ROBO2: variants seen among roughly 807,000 people sequenced by gnomAD.
ROBO2 encodes the protein roundabout homolog 2.
In ROBO2, 53 loss-of-function variants were observed where a neutral mutation model predicts 160.8. That is an observed-to-expected ratio of 0.33 (90% CI 0.26 to 0.41). The LOEUF (loss-of-function observed/expected upper bound fraction) is 0.41. Among genes scored for constraint, ROBO2 ranks in the 10% least tolerant of loss-of-function variants. The pLI is 1.00. For synonymous variants in ROBO2, 664 were observed against 611.7 expected (o/e 1.09, Z -1.26); for missense variants, 1,577 against 1,722.4 (o/e 0.92, Z 1.49).
At chr3:76,451,617 G>T (rs1577289550) in intron 2 of ROBO2, among the ~76,000 whole-genome samples, 1 of 152,114 alleles carries the variant, frequency 6.6e-6, no homozygotes, top group African/African-American at 2.4e-5. Context: ...ACTCTGCAAA[G>T]AATTTATATT....
At position 76,458,635 on chromosome 3, in the gene ROBO2, C is replaced by T. The variant is rs144488312; in HGVS notation, c.109+521033C>T. ...CCAATTTACCGTATTATTCTGTTTT[C>T]ACGCTGCTGATAAAGACATATCCAA... On this transcript the variant is annotated intron_variant, in intron 2 of 26. Coordinates refer to the ROBO2 transcript ENST00000487694. Among the ~76,000 whole-genome samples the T allele has an allele frequency of 2.9e-3, 448 of 152,234 alleles. 5 individuals carry two copies. Among genetic ancestry groups the T allele is most frequent in the African/African-American group, 0.01 (433 of 41,540 alleles).
At chr3:77,402,935 G>A (rs57922814) in intron 2 of ROBO2, among the ~76,000 whole-genome samples, 6,454 of 152,070 alleles carry the variant, frequency 0.042, 461 homozygotes, top group African/African-American at 0.15. Context: ...CTACTCTAAA[G>A]CTTCCCTGAG....
At chr3:77,499,207 C>T (rs553173423) in intron 5 of ROBO2, among the ~76,000 whole-genome samples, 7 of 152,232 alleles carry the variant, frequency 4.6e-5, no homozygotes, top group African/African-American at 7.2e-5. Context: ...TTTACACTGC[C>T]GTTTTCTGGA....
At chr3:76,132,545 G>C (rs921267656) in intron 2 of ROBO2, among the ~76,000 whole-genome samples, 4 of 151,988 alleles carry the variant, frequency 2.6e-5, no homozygotes, top group African/African-American at 9.7e-5. Context: ...TTGCAAGCAG[G>C]CCTTTCTGAA....
chr3:76,801,391 T>C (rs540527662), intron 2 of ROBO2, among the ~76,000 whole-genome samples: 1 of 152,276 alleles, frequency 6.6e-6, no homozygotes, highest in East Asian at 1.9e-4. Context: ...ATTTGTTGTA[T>C]ATTTTAGAAT....
At chr3:77,336,750 C>A (rs961402738) in intron 2 of ROBO2, among the ~76,000 whole-genome samples, 3 of 152,150 alleles carry the variant, frequency 2.0e-5, no homozygotes, top group African/African-American at 7.2e-5. Context: ...GTGTACCACA[C>A]CAACGCCTGA....
intron 2 of ROBO2, among the ~76,000 whole-genome samples, chr3:76,858,215 G>C (rs562366760): frequency 3.7e-4 from 57 of 152,244 alleles, no homozygotes; most frequent in African/African-American, 1.4e-3. Context: ...AGGACGGGAG[G>C]ACGGGCCATT....
Position 77,641,464 on chromosome 3 carries a change from T to C in ROBO2, c.3935-3240T>C, listed in dbSNP as rs146696656. Reference sequence around the variant, plus strand: ...GAAGCTATCTTTTGTCTACAAGAAATTTATACTTTTTCCTTCTAAATTTCA... The same window carrying C: ...GAAGCTATCTTTTGTCTACAAGAAACTTATACTTTTTCCTTCTAAATTTCA... On this transcript the variant is annotated intron_variant, in intron 24 of 25. Coordinates refer to ENST00000461745, the Ensembl canonical transcript of ROBO2. 3.9e-5 allele frequency among the ~76,000 whole-genome samples: 6 copies of C among 152,306 alleles called. No homozygotes were observed. In the East Asian group the frequency reaches 1.2e-3, roughly 29 times the overall value.
intron 2 of ROBO2, among the ~76,000 whole-genome samples, chr3:76,084,271 T>C (rs966119566): frequency 2.0e-5 from 3 of 152,140 alleles, no homozygotes; most frequent in Non-Finnish European, 4.4e-5. Context: ...TCTTTAGTCA[T>C]ATGAAGTAAG....
intron 13 of ROBO2, among the ~76,000 whole-genome samples, chr3:77,571,898 C>T (rs189867793): frequency 6.8e-6 from 1 of 146,466 alleles, no homozygotes; most frequent in African/African-American, 2.5e-5. Context: ...CAACAAATTT[C>T]GTCCTGAAAA....
chr3:76,238,307 G>A (rs1299129454), intron 2 of ROBO2, among the ~76,000 whole-genome samples: 1 of 152,192 alleles, frequency 6.6e-6, no homozygotes, highest in South Asian at 2.1e-4. Context: ...ATAGGGGAAT[G>A]TGAAGGGGAA....
At chr3:77,438,022 C>A (rs1345851004) in intron 2 of ROBO2, among the ~76,000 whole-genome samples, 1 of 151,872 alleles carries the variant, frequency 6.6e-6, no homozygotes, top group African/African-American at 2.4e-5. Flanking sequence ...ATACCATATA[C>A]ATGATTAATA....
chr3:77,124,548 C>G (rs1216100288), intron 2 of ROBO2, among the ~76,000 whole-genome samples: 1 of 152,010 alleles, frequency 6.6e-6, no homozygotes, highest in Non-Finnish European at 1.5e-5. Context: ...GGACATGACA[C>G]AATGTGATAT....
chr3:76,515,179 G>A (rs1484177604), intron 2 of ROBO2, among the ~76,000 whole-genome samples: 1 of 152,020 alleles, frequency 6.6e-6, no homozygotes, highest in Non-Finnish European at 1.5e-5. Flanking sequence ...TCCTTAATTT[G>A]CAGCTATAGT....
chr3:76,223,340 T>G (rs909201086), intron 2 of ROBO2, among the ~76,000 whole-genome samples: 1 of 151,670 alleles, frequency 6.6e-6, no homozygotes. Context: ...GTTAACCCCC[T>G]CAGATAGAGA....
intron 2 of ROBO2, among the ~76,000 whole-genome samples, chr3:76,068,934 C>A (rs1166471238): frequency 6.6e-6 from 1 of 152,152 alleles, no homozygotes; most frequent in Non-Finnish European, 1.5e-5. Flanking sequence ...ATTCTGTTTA[C>A]CTTATTAGCT....
intron 2 of ROBO2, among the ~76,000 whole-genome samples, chr3:76,718,339 A>G (rs1255418381): frequency 1.3e-5 from 2 of 152,236 alleles, no homozygotes. Context: ...CAGGATTCCT[A>G]TCATTCTCAC....
intron 2 of ROBO2, among the ~76,000 whole-genome samples, chr3:76,779,937 T>C (rs955725433): frequency 6.6e-6 from 1 of 150,980 alleles, no homozygotes; most frequent in Non-Finnish European, 1.5e-5. Flanking sequence ...TTGGATCATA[T>C]TGTAGTTCTA....
intron 2 of ROBO2, among the ~76,000 whole-genome samples, chr3:77,374,771 T>C (rs2072391764): frequency 6.6e-6 from 1 of 152,238 alleles, no homozygotes; most frequent in African/African-American, 2.4e-5. Flanking sequence ...GCTTGTATCC[T>C]AATTATAGAA....
Sources: allele counts gnomAD v4.1 joint callset (sites outside exome capture counted in the v4.1 genomes callset), GRCh38; gene constraint gnomAD v4.1.1; transcripts MANE v1.5; gene names NCBI Gene and HGNC (gene_info 2026-07-23, HGNC 2026-07-21).